Variants in PUDP observed in about 807,000 individuals in gnomAD.
PUDP encodes pseudouridine-5'-phosphatase.
Under a neutral mutation model 9.4 loss-of-function variants are expected in PUDP, and 8 were observed. That is an observed-to-expected ratio of 0.85 (90% CI 0.50 to 1.53). The LOEUF (loss-of-function observed/expected upper bound fraction) is 1.53. Ranked by LOEUF, PUDP falls within the 40% of genes most tolerant of loss-of-function variation. PUDP has a pLI of 0.00. For missense variants in PUDP, 188 were observed against 189.7 expected, an observed-to-expected ratio of 0.99 and a Z score of 0.05; for synonymous variants, 99 against 80.7, an observed-to-expected ratio of 1.23 and a Z score of -1.22.
chrX:6,782,749 G>C (rs941844575), intron 3 of PUDP, among the ~76,000 whole-genome samples: 2 of 111,593 alleles, frequency 1.8e-5, no homozygotes, highest in Non-Finnish European at 3.8e-5. Context: ...TGTCTGAAAA[G>C]TAACACTTGT....
intron 1 of PUDP, among the ~76,000 whole-genome samples, chrX:6,710,836 A>G (rs1443097268): frequency 8.9e-6 from 1 of 111,987 alleles, no homozygotes; most frequent in African/African-American, 3.2e-5. Context: ...CGAAGCCAAT[A>G]AGAAACACTG....
intron 3 of PUDP, among the ~76,000 whole-genome samples, chrX:6,884,763 G>T (rs1420851412): frequency 8.9e-6 from 1 of 112,507 alleles, no homozygotes. Flanking sequence ...GAAGTCACAT[G>T]CAACTTCCTA....
At chrX:7,119,127 CGAAAACAGAAGTCAGGTA>C (rs1932271156) in intron 1 of PUDP, among the ~76,000 whole-genome samples, 1 of 111,778 alleles carries the variant, frequency 8.9e-6, no homozygotes, top group Non-Finnish European at 1.9e-5. Context: ...CTCTCAGACC[CGAAAACAGAAGTCAGGTA>C]GAAGCAATGT....
intron 3 of PUDP, among the ~76,000 whole-genome samples, chrX:6,776,554 C>G (rs1925467245): frequency 9.0e-6 from 1 of 111,135 alleles, no homozygotes; most frequent in Non-Finnish European, 1.9e-5. Flanking sequence ...ACAAACAAAG[C>G]CACAGTTTCT....
intron 3 of PUDP, among the ~76,000 whole-genome samples, chrX:6,739,966 T>A (rs1924916212): frequency 8.9e-6 from 1 of 112,239 alleles, no homozygotes; most frequent in Non-Finnish European, 1.9e-5. Context: ...ATGGTTACAG[T>A]AAAGACAATG....
chrX:6,916,241 CACA>C (rs1927930671), intron 3 of PUDP, among the ~76,000 whole-genome samples: 1 of 84,301 alleles, frequency 1.2e-5, no homozygotes, highest in Non-Finnish European at 2.3e-5. Flanking sequence ...CACACACACA[CACA>C]CACACCCTGG....
chrX:7,020,649 C>G (rs763882502), intron 1 of PUDP, among the ~76,000 whole-genome samples: 1 of 112,444 alleles, frequency 8.9e-6, no homozygotes, highest in Admixed American at 9.4e-5. Context: ...CTGTCATTTC[C>G]ATAGGAAGCT....
chrX:7,123,749 C>A (rs1932406624), intron 1 of PUDP, among the ~76,000 whole-genome samples: 1 of 111,470 alleles, frequency 9.0e-6, no homozygotes, highest in African/African-American at 3.3e-5. Flanking sequence ...TAATATCAGA[C>A]AAAGTAGACT....
intron 3 of PUDP, among the ~76,000 whole-genome samples, chrX:6,951,559 C>G (rs1161338493): frequency 9.0e-6 from 1 of 111,713 alleles, no homozygotes; most frequent in African/African-American, 3.3e-5. Flanking sequence ...CCCATGGCCT[C>G]TACCAGTGGA....
intron 3 of PUDP, among the ~76,000 whole-genome samples, chrX:6,942,817 C>T (rs901345892): frequency 5.4e-5 from 6 of 111,644 alleles, no homozygotes; most frequent in Non-Finnish European, 7.5e-5. Flanking sequence ...CAGATATTGG[C>T]GTGGTGTAGC....
At chrX:6,772,888 CA>C (rs1207229832) in intron 3 of PUDP, among the ~76,000 whole-genome samples, 1 of 109,093 alleles carries the variant, frequency 9.2e-6, no homozygotes, top group Admixed American at 9.8e-5. Flanking sequence ...GACTCTGTCT[CA>C]AAAAAAACAA....
intron 3 of PUDP, among the ~76,000 whole-genome samples, chrX:6,740,391 C>A (rs1924921158): frequency 9.0e-6 from 1 of 111,295 alleles, no homozygotes. Context: ...ACTAGGGAGA[C>A]AAAAGATTAT....
chrX:6,741,830 CTTTCTTTCTTTCTTTCTTTCTT>C (rs1203283822), intron 3 of PUDP, among the ~76,000 whole-genome samples: 2 of 102,021 alleles, frequency 2.0e-5, no homozygotes, highest in Non-Finnish European at 4.0e-5. Flanking sequence ...CTCTCTCTCT[CTTTCTTTCTTTCTTTCTTTCTT>C]TTTCTTTCTT....
At chrX:6,987,088 T>G (rs1929112812) in intron 1 of PUDP, among the ~76,000 whole-genome samples, 1 of 111,787 alleles carries the variant, frequency 8.9e-6, no homozygotes, top group Non-Finnish European at 1.9e-5. Flanking sequence ...CCTGAAAAAC[T>G]GGAAATCACC....
rs369469070 is a variant in PUDP at position 6,969,624 on chromosome X, C to G, written c.*247+7509G>C. On this transcript the variant is annotated intron_variant and NMD_transcript_variant, in intron 3 of 3. Transcript: ENST00000655425. ...CAGGGCAGTGGCTCATGCTTATAAT[C>G]TCAGCACTTTGGGAGGCTGAGGCAG... 3.6e-5 allele frequency among the ~76,000 whole-genome samples: 4 copies of G among 112,459 alleles called. No homozygotes were observed. In the East Asian group the frequency reaches 1.1e-3, roughly 31 times the overall value.
chrX:6,806,388 A>T (rs2146698383), intron 3 of PUDP, among the ~76,000 whole-genome samples: 1 of 112,072 alleles, frequency 8.9e-6, no homozygotes, highest in African/African-American at 3.2e-5. Context: ...GTGCAGTGGC[A>T]TTATCATAGC....
At chrX:7,057,096 G>A (rs372301388) in intron 3 of PUDP, among the ~76,000 whole-genome samples, 84 of 112,615 alleles carry the variant, frequency 7.5e-4, no homozygotes, top group African/African-American at 2.7e-3. Context: ...ATGTTGAAGC[G>A]CAGCAGCGAC....
exon 1 of PUDP, chrX:6,721,441 ACTT>A (rs1433444243): frequency 8.9e-6 from 1 of 112,004 alleles, no homozygotes; most frequent in Non-Finnish European, 1.9e-5. Context: ...TCACTCATCT[ACTT>A]CTCCAAAGGT....
chrX:7,137,617 T>A (rs1241913843), intron 1 of PUDP, among the ~76,000 whole-genome samples: 2 of 112,329 alleles, frequency 1.8e-5, no homozygotes, highest in Non-Finnish European at 3.8e-5. Context: ...GCCATGAGTG[T>A]CCTTCAATCT....
Sources: gnomAD v4.1 joint callset for allele counts (sites outside exome capture counted in the v4.1 genomes callset) on GRCh38, gnomAD v4.1.1 for gene constraint, MANE v1.5 for transcripts, NCBI Gene and HGNC (gene_info 2026-07-23, HGNC 2026-07-21) for gene names.